The following SDK1 variants were observed in gnomAD, a reference collection of about 807,000 sequenced individuals.
SDK1 encodes the protein sidekick cell adhesion molecule 1.
Under a neutral mutation model 245.5 loss-of-function variants are expected in SDK1, and 157 were observed. That is an observed-to-expected ratio of 0.64 (90% CI 0.56 to 0.73). SDK1 has a LOEUF of 0.73. SDK1 is among the 30% of genes least tolerant of loss of function. The pLI is 0.00. For synonymous variants in SDK1, 1,647 were observed against 1,278.5 expected, an observed-to-expected ratio of 1.29 and a Z score of -6.15; for missense variants, 3,583 against 3,002.3, an observed-to-expected ratio of 1.19 and a Z score of -4.52.
At chr7:4,248,016 G>C (rs905357004) in intron 44 of SDK1, among the ~76,000 whole-genome samples, 4 of 152,150 alleles carry the variant, frequency 2.6e-5, no homozygotes, top group Admixed American at 2.6e-4. Flanking sequence ...TTTTCAACAT[G>C]GGCTAATGGA....
intron 1 of SDK1, among the ~76,000 whole-genome samples, chr7:3,541,328 C>T (rs1043748859): frequency 6.6e-6 from 1 of 152,342 alleles, no homozygotes; most frequent in African/African-American, 2.4e-5. Context: ...CTTCCACTTG[C>T]TCAGAGCCAT....
At chr7:3,696,023 G>A (rs184016694) in intron 4 of SDK1, among the ~76,000 whole-genome samples, 59 of 151,808 alleles carry the variant, frequency 3.9e-4, no homozygotes, top group African/African-American at 1.3e-3. Context: ...TTCCTCCTTC[G>A]TTCCTCTCAG....
intron 4 of SDK1, among the ~76,000 whole-genome samples, chr7:3,692,306 T>G (rs1032696942): frequency 6.6e-6 from 1 of 152,162 alleles, no homozygotes; most frequent in African/African-American, 2.4e-5. Context: ...AAATAACTTG[T>G]TACTATTTAA....
intron 5 of SDK1, among the ~76,000 whole-genome samples, chr7:3,839,435 G>A (rs1164109828): frequency 6.6e-6 from 1 of 152,178 alleles, no homozygotes; most frequent in Non-Finnish European, 1.5e-5. Context: ...TAAAAATAAT[G>A]TTTGATGATA....
chr7:3,568,732 C>T (rs762380833), intron 1 of SDK1, among the ~76,000 whole-genome samples: 5 of 152,142 alleles, frequency 3.3e-5, no homozygotes, highest in Non-Finnish European at 7.3e-5. Context: ...TTGGTAGGCT[C>T]CCTGATTCAA....
rs79740518 is a variant in SDK1 at position 3,543,581 on chromosome 7, C to T, written c.299-75499C>T. On this transcript the variant is annotated intron_variant, in intron 1 of 44. Transcript: ENST00000404826. ...AGCCACATAAAGGCAGGTCTGGAAACTCGCAAGATGTCCACCTGCTTACTT... is the reference window on the plus strand; with the variant it reads ...AGCCACATAAAGGCAGGTCTGGAAATTCGCAAGATGTCCACCTGCTTACTT... Among the ~76,000 whole-genome samples the T allele has an allele frequency of 3.2e-4, 48 of 152,316 alleles. 2 individuals are homozygous for T. The East Asian group carries it at 9.3e-3, about 29-fold the overall frequency.
At chr7:4,077,310 T>A in intron 21 of SDK1, 121 bp downstream of exon 21, 1 of 914,914 alleles carries the variant, frequency 1.1e-6, no homozygotes. Context: ...AGTAGTGGCC[T>A]CCTGCCAAGA....
At chr7:3,832,125 A>G (rs1779927718) in intron 5 of SDK1, among the ~76,000 whole-genome samples, 1 of 152,216 alleles carries the variant, frequency 6.6e-6, no homozygotes, top group Admixed American at 6.5e-5. Context: ...CCATAAGGTC[A>G]GTATTATCCC....
chr7:4,122,704 GA>G (rs1022126865), intron 25 of SDK1, among the ~76,000 whole-genome samples: 2 of 151,906 alleles, frequency 1.3e-5, no homozygotes, highest in African/African-American at 4.8e-5. Flanking sequence ...AGAGGGGAGA[GA>G]AAAAAATGAA....
intron 5 of SDK1, among the ~76,000 whole-genome samples, chr7:3,914,107 A>G (rs942314915): frequency 1.3e-5 from 2 of 152,230 alleles, no homozygotes; most frequent in African/African-American, 2.4e-5. Flanking sequence ...AGCATTTTGC[A>G]TTTAGTGCAA....
intron 1 of SDK1, among the ~76,000 whole-genome samples, chr7:3,424,738 A>C (rs1268487609): frequency 1.3e-5 from 2 of 152,072 alleles, no homozygotes; most frequent in African/African-American, 4.8e-5. Flanking sequence ...CTCTACAAAA[A>C]ATAAAAAAAC....
intron 4 of SDK1, among the ~76,000 whole-genome samples, chr7:3,781,247 C>T (rs1356032066): frequency 6.6e-6 from 1 of 152,082 alleles, no homozygotes; most frequent in Non-Finnish European, 1.5e-5. Context: ...ACTGGCCTGA[C>T]CAGAAGTCAT....
rs1214687527 is a variant in SDK1, at chr7:3,897,006, G to GGA, written c.848-53907_848-53906dup. ...AGAAGGCATGTCTTACATGGCATCAGGAGAGAGAGAGCAGAGGGGAAGAAC... is the reference window on the plus strand; with the variant it reads ...AGAAGGCATGTCTTACATGGCATCAGGAGAGAGAGAGAGCAGAGGGGAAGAAC... On this transcript the variant is annotated intron_variant, in intron 5 of 44. Transcript: ENST00000404826. Among the ~76,000 whole-genome samples, 3 of 152,182 alleles carry GGA rather than the reference G, an allele frequency of 2.0e-5. No individual in the cohort carries two copies. In the East Asian group the frequency reaches 5.8e-4, roughly 29 times the overall value.
intron 14 of SDK1, among the ~76,000 whole-genome samples, chr7:3,996,651 G>T (rs1174926834): frequency 6.6e-6 from 1 of 152,136 alleles, no homozygotes; most frequent in East Asian, 1.9e-4. Context: ...ATTAGTTATT[G>T]TAGGAACATA....
chr7:3,462,728 ATC>A lies in SDK1; in HGVS notation c.299-156347_299-156346del, dbSNP rs1780871779. Among the ~76,000 whole-genome samples the A allele has an allele frequency of 2.0e-5, 3 of 152,020 alleles. No individual in the cohort carries two copies. The South Asian group carries it at 6.2e-4, about 32-fold the overall frequency. On this transcript the variant is annotated intron_variant, in intron 1 of 44. Coordinates refer to ENST00000404826, the MANE Select transcript of SDK1 (RefSeq NM_152744.4). ...TATTTTCACCTCAAACACCTCTGTG[ATC>A]TCTCCCCTCCTCTCTCTATTGCCGC...
intron 4 of SDK1, among the ~76,000 whole-genome samples, chr7:3,756,143 A>C (rs1779923327): frequency 6.6e-6 from 1 of 151,282 alleles, no homozygotes; most frequent in African/African-American, 2.4e-5. Flanking sequence ...TTCACATGGC[A>C]TAGCACATGT....
intron 3 of SDK1, among the ~76,000 whole-genome samples, chr7:3,641,177 A>G (rs1041310389): frequency 6.6e-6 from 1 of 152,158 alleles, no homozygotes; most frequent in African/African-American, 2.4e-5. Context: ...ACTTCTGTGG[A>G]CTATTTCAAA....
intron 4 of SDK1, among the ~76,000 whole-genome samples, chr7:3,810,856 T>C (rs1188819762): frequency 1.3e-5 from 2 of 152,180 alleles, no homozygotes; most frequent in East Asian, 3.9e-4. Flanking sequence ...GACAAGTTGT[T>C]TCTAGGCCTC....
chr7:3,975,296 A>G (rs1782829623), intron 13 of SDK1, among the ~76,000 whole-genome samples: 1 of 152,212 alleles, frequency 6.6e-6, no homozygotes, highest in Non-Finnish European at 1.5e-5. Flanking sequence ...CTGAAAATAA[A>G]GAATCCCAAC....
Sources: allele counts gnomAD v4.1 joint callset (sites outside exome capture counted in the v4.1 genomes callset), GRCh38; gene constraint gnomAD v4.1.1; transcripts MANE v1.5; gene names NCBI Gene and HGNC (gene_info 2026-07-23, HGNC 2026-07-21).